Variants in DMD observed in about 807,000 individuals in gnomAD.
DMD encodes mutant dystrophin.
DMD carries 63 observed loss-of-function variants against 330.1 expected under a neutral mutation model. The observed-to-expected ratio is 0.19, with a 90% CI of 0.16 to 0.24. The LOEUF (loss-of-function observed/expected upper bound fraction) is 0.24, where lower values mean the gene tolerates loss of function less well. Among genes scored for constraint, DMD ranks in the 10% least tolerant of loss-of-function variants. DMD has a pLI of 1.00. For synonymous variants in DMD, 1,223 were observed against 959.8 expected, an observed-to-expected ratio of 1.27 and a Z score of -5.07; for missense variants, 3,344 against 2,684.1, an observed-to-expected ratio of 1.25 and a Z score of -5.43.
At chrX:31,622,126 T>C (rs964975992) in intron 55 of DMD, among the ~76,000 whole-genome samples, 6 of 111,964 alleles carry the variant, frequency 5.4e-5, no homozygotes, top group Admixed American at 4.7e-4. Flanking sequence ...CTTCTGTTTT[T>C]GCTAGACCCT....
At chrX:32,176,828 T>C (rs1317640207) in intron 44 of DMD, among the ~76,000 whole-genome samples, 1 of 111,436 alleles carries the variant, frequency 9.0e-6, no homozygotes, top group Non-Finnish European at 1.9e-5. Context: ...ACCCCTCACT[T>C]GGATTTTTCA....
At chrX:32,528,847 C>G (rs192666424) in intron 17 of DMD, among the ~76,000 whole-genome samples, 35 of 108,004 alleles carry the variant, frequency 3.2e-4, no homozygotes, top group African/African-American at 1.1e-3. Flanking sequence ...TACCTACAGC[C>G]TGGAAGCCCC....
intron 55 of DMD, among the ~76,000 whole-genome samples, chrX:31,543,586 C>A (rs910154785): frequency 9.8e-5 from 11 of 112,285 alleles, no homozygotes; most frequent in African/African-American, 3.6e-4. Context: ...AAATACATTT[C>A]TATTTTGTTT....
chrX:31,143,678 A>T (rs183860711), intron 76 of DMD, among the ~76,000 whole-genome samples: 55 of 111,854 alleles, frequency 4.9e-4, no homozygotes, highest in Middle Eastern at 4.6e-3. Context: ...AGCTCCACAG[A>T]TCATCAGGAC....
intron 60 of DMD, among the ~76,000 whole-genome samples, chrX:31,405,441 G>A (rs1363539616): frequency 9.0e-6 from 1 of 111,571 alleles, no homozygotes; most frequent in Non-Finnish European, 1.9e-5. Flanking sequence ...TTAATAGAAT[G>A]ATAATTTCCA....
chrX:32,647,914 T>C (rs760174647), intron 9 of DMD, among the ~76,000 whole-genome samples: 2 of 112,035 alleles, frequency 1.8e-5, no homozygotes, highest in Non-Finnish European at 3.8e-5. Flanking sequence ...AAACATTATT[T>C]AACTCTTTTT....
chrX:32,358,232 G>A (rs1200133833), intron 37 of DMD, among the ~76,000 whole-genome samples: 1 of 111,084 alleles, frequency 9.0e-6, no homozygotes, highest in African/African-American at 3.3e-5. Flanking sequence ...GAGGGATGGA[G>A]AGGGGTAGAA....
At chrX:32,591,024 T>C (rs936667984) in intron 13 of DMD, among the ~76,000 whole-genome samples, 1 of 111,640 alleles carries the variant, frequency 9.0e-6, no homozygotes, top group Non-Finnish European at 1.9e-5. Context: ...TTATTTTTAT[T>C]AGGAAAATCA....
At chrX:32,068,374 ATTTT>A (rs749610367) in intron 44 of DMD, among the ~76,000 whole-genome samples, 5,155 of 64,189 alleles carry the variant, frequency 0.08, 105 homozygotes, top group Admixed American at 0.091. Flanking sequence ...CTTGCTTGTC[ATTTT>A]TTTTTTTTTT....
chrX:33,081,009 A>ACACACAC lies in DMD; in HGVS notation c.32-60810_32-60809insGTGTGTG, dbSNP rs1475097752. ...ACACACACACACACACACACACACA[A>ACACACAC]AAACACATGTAAATACAGACAGAAG... On this transcript the variant is annotated intron_variant, in intron 1 of 78. Transcript: ENST00000357033. 4.5e-3 allele frequency among the ~76,000 whole-genome samples: 398 copies of ACACACAC among 88,064 alleles called. 3 individuals carry two copies. Among genetic ancestry groups the ACACACAC allele is most frequent in the African/African-American group, 0.018 (383 of 21,062 alleles). The allele number at this position is 88,064 out of a possible 115,157, so 76.5% of individuals were successfully genotyped here. A position where few individuals can be genotyped will look rare whatever the true frequency, so the allele number is the denominator to read the frequency against.
intron 2 of DMD, among the ~76,000 whole-genome samples, chrX:32,998,524 T>C (rs1215369298): frequency 9.0e-6 from 1 of 110,505 alleles, no homozygotes; most frequent in Non-Finnish European, 1.9e-5. Flanking sequence ...AAATGGCTTT[T>C]GTAAAGATTT....
chrX:33,117,950 C>T (rs867268880), intron 1 of DMD, among the ~76,000 whole-genome samples: 31 of 111,064 alleles, frequency 2.8e-4, no homozygotes, highest in Non-Finnish European at 5.3e-4. Context: ...CATTAGAGAT[C>T]TGACTAGTCT....
At position 31,161,861 on chromosome X, in the gene DMD, C is replaced by T. The variant is rs960619123; in HGVS notation, c.10553+7582G>A. 5.4e-5 allele frequency among the ~76,000 whole-genome samples: 6 copies of T among 111,278 alleles called. 1 individual carries two copies. Among genetic ancestry groups the T allele is most frequent in the Admixed American group, 4.8e-4 (5 of 10,430 alleles). On this transcript the variant is annotated intron_variant, in intron 74 of 78. Coordinates refer to ENST00000357033, the MANE Select transcript of DMD (RefSeq NM_004006.3). ...ACTCCTTAGTATGATGCACAAAGTCCTTTAAACAGTAGTCCCCACCTACCA... is the reference window on the plus strand; with the variant it reads ...ACTCCTTAGTATGATGCACAAAGTCTTTTAAACAGTAGTCCCCACCTACCA...
chrX:32,446,281 T>C (rs1239284197), intron 27 of DMD, among the ~76,000 whole-genome samples: 1 of 110,005 alleles, frequency 9.1e-6, no homozygotes, highest in Non-Finnish European at 1.9e-5. Context: ...AGGGTGAAAC[T>C]GCAGAGCAGA....
At chrX:33,109,195 T>C (rs1247796517) in intron 1 of DMD, among the ~76,000 whole-genome samples, 1 of 111,245 alleles carries the variant, frequency 9.0e-6, no homozygotes, top group Non-Finnish European at 1.9e-5. Flanking sequence ...CATAAGGCTT[T>C]AGACTGGTTA....
At chrX:32,997,831 C>A (rs73188374) in intron 2 of DMD, among the ~76,000 whole-genome samples, 5,681 of 111,323 alleles carry the variant, frequency 0.051, 233 homozygotes, top group South Asian at 0.15. Context: ...TCTTAACTAG[C>A]CTTTATCTAC....
At chrX:32,360,390 C>G (rs1446048268) in intron 37 of DMD, among the ~76,000 whole-genome samples, 1 of 111,620 alleles carries the variant, frequency 9.0e-6, no homozygotes, top group Non-Finnish European at 1.9e-5. Flanking sequence ...CTCTTCAGAG[C>G]CCTAAAATGG....
chrX:31,643,726 C>T (rs1170559223), intron 54 of DMD, among the ~76,000 whole-genome samples: 1 of 111,630 alleles, frequency 9.0e-6, no homozygotes, highest in African/African-American at 3.3e-5. Flanking sequence ...TCTAGATTCT[C>T]CCATTAAATT....
intron 7 of DMD, among the ~76,000 whole-genome samples, chrX:32,746,308 A>G (rs777818276): frequency 1.4e-4 from 16 of 112,208 alleles, no homozygotes; most frequent in African/African-American, 5.2e-4. Context: ...TGAACACTGG[A>G]AAGTATATGG....
Sources: allele counts gnomAD v4.1 joint callset (sites outside exome capture counted in the v4.1 genomes callset), GRCh38; gene constraint gnomAD v4.1.1; transcripts MANE v1.5; gene names NCBI Gene and HGNC (gene_info 2026-07-23, HGNC 2026-07-21).